MANBAL: variants seen among roughly 807,000 people sequenced by gnomAD.
MANBAL encodes mannosidase beta like.
In MANBAL, 1 loss-of-function variant was observed where a neutral mutation model predicts 6.4. The observed-to-expected ratio is 0.16, with a 90% CI of 0.06 to 0.74. MANBAL has a LOEUF of 0.74. Ranked by LOEUF, MANBAL falls within the 30% of genes least tolerant of loss-of-function variation. The pLI is 0.78. For missense variants in MANBAL, 100 were observed against 107.8 expected, an observed-to-expected ratio of 0.93 and a Z score of 0.32; for synonymous variants, 47 against 45.8, an observed-to-expected ratio of 1.03 and a Z score of -0.10.
intron 1 of MANBAL, among the ~76,000 whole-genome samples, chr20:37,291,642 C>A (rs962111686): frequency 6.6e-6 from 1 of 152,164 alleles, no homozygotes; most frequent in African/African-American, 2.4e-5. Context: ...CAAATCTCAT[C>A]TTGAATTGTA....
chr20:37,297,798 AT>A (rs2069032752), intron 1 of MANBAL, among the ~76,000 whole-genome samples: 1 of 152,048 alleles, frequency 6.6e-6, no homozygotes, highest in Non-Finnish European at 1.5e-5. Flanking sequence ...ACCTGCCACC[AT>A]GTCCGGCTAA....
chr20:37,304,058 A>G (rs1026865059), intron 2 of MANBAL, among the ~76,000 whole-genome samples: 16 of 152,220 alleles, frequency 1.1e-4, no homozygotes, highest in African/African-American at 3.9e-4. Flanking sequence ...CTCATCTACA[A>G]TATACCAGTT....
At chr20:37,295,988 C>T (rs144662937) in intron 1 of MANBAL, among the ~76,000 whole-genome samples, 142 of 152,350 alleles carry the variant, frequency 9.3e-4, no homozygotes, top group Non-Finnish European at 1.3e-3. Context: ...AGATGAGAGC[C>T]GTACGGCGCA....
At chr20:37,297,022 T>C (rs1568598839) in intron 1 of MANBAL, 1 of 152,230 alleles carries the variant, frequency 6.6e-6, no homozygotes, top group South Asian at 2.1e-4. Context: ...TAAAGCTTGT[T>C]ACAGCCTTAA....
chr20:37,290,169 G>A (rs997134692), intron 1 of MANBAL, among the ~76,000 whole-genome samples: 4 of 152,254 alleles, frequency 2.6e-5, no homozygotes, highest in African/African-American at 9.6e-5. Flanking sequence ...TAGGTGCACA[G>A]TCCATGTTTG....
intron 2 of MANBAL, chr20:37,302,207 C>G: frequency 1.3e-6 from 2 of 1,548,410 alleles, no homozygotes. Context: ...TACCTACATC[C>G]CAGGAATTGG....
At chr20:37,295,508 G>T (rs2068973595) in intron 1 of MANBAL, among the ~76,000 whole-genome samples, 1 of 152,160 alleles carries the variant, frequency 6.6e-6, no homozygotes, top group Non-Finnish European at 1.5e-5. Context: ...AATAAAAAAT[G>T]CTGGTTGCAG....
chr20:37,307,492 T>C (rs1303326976), intron 2 of MANBAL, among the ~76,000 whole-genome samples: 2 of 152,192 alleles, frequency 1.3e-5, no homozygotes, highest in Non-Finnish European at 2.9e-5. Flanking sequence ...CAGAGCATTA[T>C]GATGCCTGTA....
At chr20:37,301,128 T>G (rs2069124325) in intron 1 of MANBAL, 80 bp from the exon 2 acceptor site, 5 of 857,238 alleles carry the variant, frequency 5.8e-6, no homozygotes, top group Non-Finnish European at 7.8e-6. Context: ...AGAGTGAGAC[T>G]CCATCTCATA....
intron 1 of MANBAL, among the ~76,000 whole-genome samples, chr20:37,294,964 G>C (rs534725640): frequency 2.4e-4 from 36 of 152,336 alleles, no homozygotes; most frequent in Admixed American, 1.5e-3. Context: ...GCCACGTTCA[G>C]TAATAATTAA....
At chr20:37,302,972 G>A (rs1432683263) in intron 2 of MANBAL, among the ~76,000 whole-genome samples, 1 of 152,086 alleles carries the variant, frequency 6.6e-6, no homozygotes, top group Admixed American at 6.5e-5. Flanking sequence ...GAGTGCAGTG[G>A]CACAATCACA....
intron 1 of MANBAL, among the ~76,000 whole-genome samples, chr20:37,297,741 C>G (rs1439793034): frequency 2.0e-5 from 3 of 151,810 alleles, no homozygotes; most frequent in Non-Finnish European, 4.4e-5. Flanking sequence ...CTCCCGAGTT[C>G]AAGCGATTCT....
At chr20:37,300,449 A>G (rs1229132924) in intron 1 of MANBAL, among the ~76,000 whole-genome samples, 1 of 152,206 alleles carries the variant, frequency 6.6e-6, no homozygotes, top group African/African-American at 2.4e-5. Context: ...AATGCTTATC[A>G]CTACCTGGCA....
At chr20:37,307,554 C>G (rs192782031) in intron 2 of MANBAL, among the ~76,000 whole-genome samples, 1 of 151,998 alleles carries the variant, frequency 6.6e-6, no homozygotes, top group South Asian at 2.1e-4. Flanking sequence ...GTCAGGAGTT[C>G]AAGACCAGCC....
At position 37,316,457 on chromosome 20, in the gene MANBAL, T is replaced by C. The variant is rs2069522589; in HGVS notation, c.*42T>C. 2 of 1,554,570 alleles carry C rather than the reference T, an allele frequency of 1.3e-6. No individual in the cohort carries two copies. Among genetic ancestry groups the C allele is most frequent in the African/African-American group, 2.7e-5 (2 of 73,014 alleles). ...AGCTGGGCGGGCAGGGAGAGGGTCT[T>C]GGGGACAGCCCTCCTGGGAATCTAC... On this transcript the variant is annotated 3_prime_UTR_variant, in exon 3 of 3. Transcript: ENST00000373606.
At chr20:37,302,287 A>T in intron 2 of MANBAL, 5 of 1,550,588 alleles carry the variant, frequency 3.2e-6, no homozygotes, top group Non-Finnish European at 4.4e-6. Flanking sequence ...CAGGAGTTCC[A>T]TGTAGAGGCC....
In MANBAL at chr20:37,312,999, C is replaced by T. The variant is rs1248294017; in HGVS notation, c.151-3309C>T. Among the ~76,000 whole-genome samples the T allele has an allele frequency of 2.6e-5, 4 of 152,202 alleles. No individual in the cohort carries two copies. In the East Asian group the frequency reaches 7.7e-4, roughly 29 times the overall value. On this transcript the variant is annotated intron_variant, in intron 2 of 2. Transcript: ENST00000373606. ...GGAGACCTTGGCTGTTCTTTCATTTCATTCATTCATTCACTCATTCATTGA... is the reference window on the plus strand; with the variant it reads ...GGAGACCTTGGCTGTTCTTTCATTTTATTCATTCATTCACTCATTCATTGA...
Position 37,304,672 on chromosome 20 carries a change from G to A in MANBAL, c.150+3259G>A, listed in dbSNP as rs555797490. Among the ~76,000 whole-genome samples, 6 of 152,340 alleles carry A rather than the reference G, an allele frequency of 3.9e-5. 1 individual carries two copies. The South Asian group carries it at 1.0e-3, about 26-fold the overall frequency. On this transcript the variant is annotated intron_variant, in intron 2 of 2. Coordinates refer to ENST00000373606, the MANE Select transcript of MANBAL (RefSeq NM_001003897.2). ...ATGCTGCTTCTGTAGCTGGGAGGAT[G>A]ATGGGGAATTACTGATACAATGTGG...
chr20:37,311,972 C>G (rs191410036), intron 2 of MANBAL, among the ~76,000 whole-genome samples: 88 of 152,180 alleles, frequency 5.8e-4, no homozygotes, highest in African/African-American at 1.7e-3. Context: ...GGGTCTAGAG[C>G]CCGTTGGAAA....
Sources: allele counts gnomAD v4.1 joint callset (sites outside exome capture counted in the v4.1 genomes callset), GRCh38; gene constraint gnomAD v4.1.1; transcripts MANE v1.5; gene names NCBI Gene and HGNC (gene_info 2026-07-23, HGNC 2026-07-21).